The following GAB2 variants were observed in gnomAD, a reference collection of about 807,000 sequenced individuals.
GAB2 encodes the protein GRB2-associated-binding protein 2.
Under a neutral mutation model 65.5 loss-of-function variants are expected in GAB2, and 26 were observed. That is an observed-to-expected ratio of 0.40 (90% confidence interval 0.29 to 0.55). The LOEUF (loss-of-function observed/expected upper bound fraction) is 0.55. Among genes scored for constraint, GAB2 ranks in the 20% least tolerant of loss-of-function variants. The probability of loss-of-function intolerance (pLI) is 0.53; values close to 1 mark genes in which losing one functional copy is unlikely to be tolerated. For synonymous variants in GAB2, 321 were observed against 329.6 expected, an observed-to-expected ratio of 0.97 and a Z score of 0.28; for missense variants, 884 against 875.8, an observed-to-expected ratio of 1.01 and a Z score of -0.12.
chr11:78,263,269 T>C (rs1018882745), intron 2 of GAB2, among the ~76,000 whole-genome samples: 8 of 152,156 alleles, frequency 5.3e-5, no homozygotes, highest in African/African-American at 1.9e-4. Flanking sequence ...AGAAACCATA[T>C]TCCTTTTTAT....
At chr11:78,342,517 T>TTC (rs1249928019) in intron 1 of GAB2, among the ~76,000 whole-genome samples, 2 of 151,552 alleles carry the variant, frequency 1.3e-5, no homozygotes, top group East Asian at 3.9e-4. Context: ...CACGCCATTC[T>TTC]TCTGCCTCAG....
intron 1 of GAB2, among the ~76,000 whole-genome samples, chr11:78,349,110 A>G (rs544771295): frequency 6.6e-6 from 1 of 152,344 alleles, no homozygotes; most frequent in East Asian, 1.9e-4. Flanking sequence ...TACTTGTTTC[A>G]TGAGTACGGA....
At chr11:78,225,978 T>G (rs1027653175) in intron 4 of GAB2, among the ~76,000 whole-genome samples, 2 of 152,212 alleles carry the variant, frequency 1.3e-5, no homozygotes, top group African/African-American at 4.8e-5. Flanking sequence ...ACAATAGAAT[T>G]TAGGTACTTC....
At chr11:78,417,610 CCCCG>C in intron 1 of GAB2, 32 bp downstream of exon 1, 1 of 1,231,976 alleles carries the variant, frequency 8.1e-7, no homozygotes, top group Non-Finnish European at 1.1e-6. Context: ...CCGGAGCGCC[CCCCG>C]CCCGCCCCTG....
chr11:78,224,976 A>T, intron 5 of GAB2, 132 bp downstream of exon 5: 1 of 642,352 alleles, frequency 1.6e-6, no homozygotes. Flanking sequence ...TTCTGAACTG[A>T]GACAAGAACT....
intron 3 of GAB2, among the ~76,000 whole-genome samples, chr11:78,246,096 A>AT (rs369506903): frequency 0.03 from 4,545 of 151,486 alleles, 206 homozygotes; most frequent in African/African-American, 0.1. Flanking sequence ...TGCCTGGCTA[A>AT]TTTTTTTGTA....
chr11:78,259,230 G>C (rs570475000), intron 2 of GAB2, among the ~76,000 whole-genome samples: 24 of 152,168 alleles, frequency 1.6e-4, no homozygotes, highest in Non-Finnish European at 3.2e-4. Flanking sequence ...TACTCAACAG[G>C]GTTCTTTTGA....
intron 3 of GAB2, among the ~76,000 whole-genome samples, chr11:78,233,323 C>T (rs1864898655): frequency 6.6e-6 from 1 of 152,204 alleles, no homozygotes; most frequent in Non-Finnish European, 1.5e-5. Flanking sequence ...GCATGAGCCA[C>T]TGCGTCTGGC....
At chr11:78,321,355 C>G (rs559175972) in intron 1 of GAB2, among the ~76,000 whole-genome samples, 3 of 152,190 alleles carry the variant, frequency 2.0e-5, no homozygotes, top group Non-Finnish European at 4.4e-5. Context: ...TCTGCTCTAC[C>G]TCCTGCTTAC....
At chr11:78,417,597 G>A (rs1857216102) in intron 1 of GAB2, 49 bp downstream of exon 1, 1 of 1,071,004 alleles carries the variant, frequency 9.3e-7, no homozygotes, top group South Asian at 1.9e-5. Context: ...CCCTCCGCAG[G>A]CCCCGGAGCG....
At chr11:78,407,139 G>T (rs1427767736) in intron 1 of GAB2, among the ~76,000 whole-genome samples, 1 of 152,144 alleles carries the variant, frequency 6.6e-6, no homozygotes, top group Non-Finnish European at 1.5e-5. Context: ...TTTGTCATTG[G>T]ATTCTTGGAA....
chr11:78,403,356 A>C (rs1398840198), intron 1 of GAB2, among the ~76,000 whole-genome samples: 1 of 152,244 alleles, frequency 6.6e-6, no homozygotes, highest in Non-Finnish European at 1.5e-5. Flanking sequence ...AGTTTAAAAT[A>C]ATCTCGTCAT....
chr11:78,227,631 C>CAAAAAAAAAAAAAAAAAAAAAAAAAA (rs55716895), intron 3 of GAB2, among the ~76,000 whole-genome samples: 34 of 106,076 alleles, frequency 3.2e-4, no homozygotes, highest in Middle Eastern at 5.1e-3. Context: ...CCATTGCCAC[C>CAAAAAAAAAAAAAAAAAAAAAAAAAA]AAAAAAAAAA....
At chr11:78,415,252 G>A (rs1857180070) in intron 1 of GAB2, among the ~76,000 whole-genome samples, 1 of 152,154 alleles carries the variant, frequency 6.6e-6, no homozygotes, top group African/African-American at 2.4e-5. Context: ...TATCACATAT[G>A]CTCGATGTAT....
At chr11:78,275,649 A>C (rs1866146764) in intron 2 of GAB2, among the ~76,000 whole-genome samples, 1 of 152,330 alleles carries the variant, frequency 6.6e-6, no homozygotes. Flanking sequence ...ATCACAGATG[A>C]TATTCTTGCT....
At chr11:78,299,665 G>C (rs747893361) in intron 1 of GAB2, among the ~76,000 whole-genome samples, 2 of 152,128 alleles carry the variant, frequency 1.3e-5, no homozygotes, top group Non-Finnish European at 2.9e-5. Flanking sequence ...AAAATGGAGG[G>C]AAATCATTCA....
At chr11:78,234,283 A>G (rs751757160) in intron 3 of GAB2, among the ~76,000 whole-genome samples, 6 of 152,058 alleles carry the variant, frequency 3.9e-5, no homozygotes, top group Non-Finnish European at 8.8e-5. Flanking sequence ...GGGTTTTGCC[A>G]TGTTATCCAG....
At chr11:78,307,920 A>G (rs902613947) in intron 1 of GAB2, among the ~76,000 whole-genome samples, 6 of 152,076 alleles carry the variant, frequency 3.9e-5, no homozygotes, top group African/African-American at 1.4e-4. Context: ...TAATCAGTGG[A>G]CTGAGTAAGG....
At chr11:78,299,473 G>C (rs1442609381) in intron 1 of GAB2, among the ~76,000 whole-genome samples, 2 of 152,208 alleles carry the variant, frequency 1.3e-5, no homozygotes, top group Admixed American at 1.3e-4. Flanking sequence ...TGCGCACAAA[G>C]TCTGGTGCTT....
Sources: gnomAD v4.1 joint callset for allele counts (sites outside exome capture counted in the v4.1 genomes callset) on GRCh38, gnomAD v4.1.1 for gene constraint, MANE v1.5 for transcripts, NCBI Gene and HGNC (gene_info 2026-07-23, HGNC 2026-07-21) for gene names.